SNTB1: variants seen among roughly 807,000 people sequenced by gnomAD.
SNTB1 encodes the protein syntrophin beta 1.
In SNTB1, 36 loss-of-function variants were observed where a neutral mutation model predicts 48.9. That is an observed-to-expected ratio of 0.74 (90% CI 0.56 to 0.97). SNTB1 has a LOEUF of 0.97. Among genes scored for constraint, SNTB1 ranks in the 50% least tolerant of loss-of-function variants. SNTB1 has a pLI of 0.00. For synonymous variants in SNTB1, 299 were observed against 294.6 expected (o/e 1.01, Z -0.15); for missense variants, 786 against 703.4 (o/e 1.12, Z -1.33).
At chr8:120,649,865 C>A (rs370259812) in intron 2 of SNTB1, among the ~76,000 whole-genome samples, 1 of 152,102 alleles carries the variant, frequency 6.6e-6, no homozygotes, top group African/African-American at 2.4e-5. Context: ...GATATAATCT[C>A]GTGGTGTGCC....
intron 1 of SNTB1, among the ~76,000 whole-genome samples, chr8:120,744,560 T>C (rs768999217): frequency 6.6e-6 from 1 of 152,200 alleles, no homozygotes; most frequent in Non-Finnish European, 1.5e-5. Context: ...CCAGTAAATA[T>C]AATATATTGC....
At chr8:120,805,876 G>A (rs1391222775) in intron 1 of SNTB1, among the ~76,000 whole-genome samples, 1 of 152,188 alleles carries the variant, frequency 6.6e-6, no homozygotes, top group Non-Finnish European at 1.5e-5. Context: ...TATAAGGCCT[G>A]TGCTTGAATC....
At chr8:120,613,328 G>A (rs568503310) in intron 3 of SNTB1, among the ~76,000 whole-genome samples, 1 of 147,152 alleles carries the variant, frequency 6.8e-6, no homozygotes, top group Non-Finnish European at 1.5e-5. Context: ...TTTAGCCTGG[G>A]CAACAAGAGT....
chr8:120,630,246 C>T (rs542799878), intron 3 of SNTB1, among the ~76,000 whole-genome samples: 1 of 152,264 alleles, frequency 6.6e-6, no homozygotes, highest in East Asian at 1.9e-4. Flanking sequence ...AGCTTCAGCC[C>T]GTGGAAGACA....
intron 1 of SNTB1, among the ~76,000 whole-genome samples, chr8:120,738,376 T>C (rs1818984110): frequency 6.6e-6 from 1 of 152,198 alleles, no homozygotes; most frequent in Admixed American, 6.5e-5. Context: ...TAAAGTACTC[T>C]TTGGATGAAG....
chr8:120,690,096 T>C (rs982757849), intron 2 of SNTB1, among the ~76,000 whole-genome samples: 1 of 152,160 alleles, frequency 6.6e-6, no homozygotes, highest in African/African-American at 2.4e-5. Flanking sequence ...ATAAAATATT[T>C]TGAGAGACAG....
At position 120,800,184 on chromosome 8, in the gene SNTB1, A is replaced by G. The variant is rs985799012; in HGVS notation, c.571+11089T>C. ...AACCTCCAAACATAGGTTAAGAGTCATGGCTTTAGCTTATTAGTACCTATC... is the reference window on the plus strand; with the variant it reads ...AACCTCCAAACATAGGTTAAGAGTCGTGGCTTTAGCTTATTAGTACCTATC... On this transcript the variant is annotated intron_variant, in intron 1 of 6. Coordinates refer to ENST00000517992, the MANE Select transcript of SNTB1 (RefSeq NM_021021.4). Among the ~76,000 whole-genome samples, 4 of 152,218 alleles carry G rather than the reference A, an allele frequency of 2.6e-5. No homozygotes were observed. In the East Asian group the frequency reaches 7.7e-4, roughly 29 times the overall value.
chr8:120,651,749 G>A (rs1417627547), intron 2 of SNTB1, among the ~76,000 whole-genome samples: 8 of 151,660 alleles, frequency 5.3e-5, no homozygotes, highest in Admixed American at 1.3e-4. Flanking sequence ...AAAGGAAAAC[G>A]GAAAAAACTC....
chr8:120,710,574 G>C (rs143367546), intron 1 of SNTB1, among the ~76,000 whole-genome samples: 50 of 152,320 alleles, frequency 3.3e-4, no homozygotes, highest in African/African-American at 1.2e-3. Context: ...GAAGTGATTA[G>C]GTCACGAGGG....
intron 1 of SNTB1, among the ~76,000 whole-genome samples, chr8:120,785,791 C>A (rs1819914692): frequency 6.6e-6 from 1 of 152,230 alleles, no homozygotes; most frequent in African/African-American, 2.4e-5. Context: ...AGCTCTTTTG[C>A]AAGCATCACC....
intron 3 of SNTB1, among the ~76,000 whole-genome samples, chr8:120,603,435 ACTTTT>A (rs763310265): frequency 7.4e-4 from 112 of 152,266 alleles, no homozygotes; most frequent in Non-Finnish European, 1.3e-3. Flanking sequence ...CACACTCGTC[ACTTTT>A]CTTTTCCTTT....
chr8:120,615,948 T>C (rs1816707236), intron 3 of SNTB1, among the ~76,000 whole-genome samples: 1 of 152,200 alleles, frequency 6.6e-6, no homozygotes, highest in Non-Finnish European at 1.5e-5. Flanking sequence ...ATTTTTTCCT[T>C]AACTGGATGT....
intron 1 of SNTB1, among the ~76,000 whole-genome samples, chr8:120,787,757 T>C (rs1242362584): frequency 3.3e-5 from 5 of 152,148 alleles, no homozygotes; most frequent in Non-Finnish European, 7.4e-5. Flanking sequence ...CTATGAATCA[T>C]AGGTGTTCCT....
At chr8:120,548,728 C>T (rs2130651741) in intron 5 of SNTB1, 34 bp downstream of exon 5, 11 of 1,602,278 alleles carry the variant, frequency 6.9e-6, no homozygotes, top group Non-Finnish European at 9.4e-6. Flanking sequence ...CTTCCCGTAA[C>T]AATGTGTCCT....
intron 1 of SNTB1, among the ~76,000 whole-genome samples, chr8:120,793,031 C>G (rs1028890620): frequency 6.6e-6 from 1 of 151,958 alleles, no homozygotes; most frequent in Non-Finnish European, 1.5e-5. Context: ...TCTCTGGAAT[C>G]TACTTTAGGG....
intron 2 of SNTB1, among the ~76,000 whole-genome samples, chr8:120,678,401 A>T (rs962399407): frequency 6.6e-6 from 1 of 152,184 alleles, no homozygotes; most frequent in South Asian, 2.1e-4. Flanking sequence ...TTCTGAGAAG[A>T]GTAAAAAACG....
intron 3 of SNTB1, among the ~76,000 whole-genome samples, chr8:120,602,305 T>A (rs565333312): frequency 7.2e-4 from 109 of 152,360 alleles, no homozygotes; most frequent in African/African-American, 2.5e-3. Flanking sequence ...TGTGTCAACC[T>A]AGCTAGGCTA....
chr8:120,574,760 C>T (rs1284272663), intron 4 of SNTB1, among the ~76,000 whole-genome samples: 1 of 152,130 alleles, frequency 6.6e-6, no homozygotes, highest in Non-Finnish European at 1.5e-5. Context: ...TCTACTTGGA[C>T]TTCAAGACTA....
At chr8:120,760,740 TA>T (rs1819405077) in intron 1 of SNTB1, among the ~76,000 whole-genome samples, 1 of 152,078 alleles carries the variant, frequency 6.6e-6, no homozygotes, top group African/African-American at 2.4e-5. Flanking sequence ...GAGCCTAACC[TA>T]GTAAGATTTT....
Sources: allele counts gnomAD v4.1 joint callset (sites outside exome capture counted in the v4.1 genomes callset), GRCh38; gene constraint gnomAD v4.1.1; transcripts MANE v1.5; gene names NCBI Gene and HGNC (gene_info 2026-07-23, HGNC 2026-07-21).